Variants in PP2D1 observed in about 807,000 individuals in gnomAD.
PP2D1 encodes the protein protein phosphatase 2C-like domain-containing protein 1.
In PP2D1, 25 loss-of-function variants were observed where a neutral mutation model predicts 30.2. The ratio of observed to expected loss-of-function variants is 0.83; its 90% CI spans 0.60 to 1.16. The LOEUF is 1.16. PP2D1 is among the 50% of genes most tolerant of loss of function. The probability of loss-of-function intolerance (pLI) is 0.00; values close to 1 mark genes in which losing one functional copy is unlikely to be tolerated. For missense variants in PP2D1, 760 were observed against 742.4 expected, an observed-to-expected ratio of 1.02 and a Z score of -0.28; for synonymous variants, 260 against 258.9, an observed-to-expected ratio of 1.00 and a Z score of -0.04.
intron 1 of PP2D1, among the ~76,000 whole-genome samples, chr3:20,009,840 TTGG>T (rs1222777937): frequency 6.6e-6 from 1 of 152,242 alleles, no homozygotes; most frequent in African/African-American, 2.4e-5. Flanking sequence ...TACAACTGTA[TTGG>T]ATACAGCTAC....
chr3:20,007,946 G>T, intron 1 of PP2D1: 1 of 223,154 alleles, frequency 4.5e-6, no homozygotes. Context: ...CAGATGTGGC[G>T]CTGCCAATCT....
At chr3:19,979,966 G>A (rs1462307115) in exon 4 of PP2D1, 1 of 152,182 alleles carries the variant, frequency 6.6e-6, no homozygotes, top group African/African-American at 2.4e-5. Flanking sequence ...CCCAGTAAAA[G>A]TTGCAAGTAT....
chr3:19,996,664 T>G (rs1359790366), intron 2 of PP2D1: 2 of 151,958 alleles, frequency 1.3e-5, no homozygotes, highest in African/African-American at 2.4e-5. Flanking sequence ...CCCTGATGAA[T>G]GTAGATGTGA....
chr3:19,983,696 A>AT (rs1696976974), downstream of PP2D1: 1 of 1,525,514 alleles, frequency 6.6e-7, no homozygotes, highest in Non-Finnish European at 9.0e-7. Flanking sequence ...TTATTTGATC[A>AT]TTTTCTTTCA....
intron 2 of PP2D1, among the ~76,000 whole-genome samples, chr3:19,989,231 C>G (rs1341921105): frequency 6.6e-6 from 1 of 152,144 alleles, no homozygotes; most frequent in Non-Finnish European, 1.5e-5. Flanking sequence ...ACTCAGGAGG[C>G]TGAGGCACAA....
Position 19,985,518 on chromosome 3 carries a change from G to A in PP2D1, c.1755C>T (p.Asp585=), listed in dbSNP as rs1559495378. Residue 585 remains aspartate (D), a synonymous_variant, in exon 3 of 3, where the codon GAC becomes GAT. Transcript: ENST00000389050. The part of the protein sequence containing the change: ...NDVATNEKES[D]TKSFYEGAAE... ...CTGCGCCTTCATAGAAACTCTTAGT[G>A]TCTGATTCTTTTTCATTTGTTGCCA... 6.5e-7 allele frequency: 1 copy of A among 1,536,020 alleles called. No individual in the cohort carries two copies. Among genetic ancestry groups the A allele is most frequent in the Non-Finnish European group, 8.7e-7 (1 of 1,146,836 alleles).
At chr3:19,982,546 G>A (rs1453854793), downstream of PP2D1, among the ~76,000 whole-genome samples, 1 of 152,122 alleles carries the variant, frequency 6.6e-6, no homozygotes, top group African/African-American at 2.4e-5. Flanking sequence ...CAAGGTGTAA[G>A]TTTCTCTTTT....
intron 2 of PP2D1, among the ~76,000 whole-genome samples, chr3:19,995,291 A>G (rs1697167441): frequency 6.6e-6 from 1 of 152,208 alleles, no homozygotes. Flanking sequence ...AGGCGGGCCC[A>G]AATTCCAATG....
intron 2 of PP2D1, among the ~76,000 whole-genome samples, chr3:19,991,098 A>G (rs546550436): frequency 5.3e-5 from 8 of 152,346 alleles, no homozygotes; most frequent in African/African-American, 1.9e-4. Flanking sequence ...AGAAAATGTT[A>G]TCAGAACAAA....
downstream of PP2D1, among the ~76,000 whole-genome samples, chr3:19,981,204 A>T (rs1696919690): frequency 6.6e-6 from 1 of 152,204 alleles, no homozygotes. Flanking sequence ...CTCCAACTTT[A>T]CAGTGGTTTG....
At chr3:19,983,634 T>A, downstream of PP2D1, 1 of 1,014,550 alleles carries the variant, frequency 9.9e-7, no homozygotes, top group Non-Finnish European at 1.5e-6. Context: ...GAAAGAAAAA[T>A]TATAGATAAG....
At chr3:20,002,814 A>G (rs1356033394) in intron 1 of PP2D1, among the ~76,000 whole-genome samples, 1 of 151,822 alleles carries the variant, frequency 6.6e-6, no homozygotes, top group Non-Finnish European at 1.5e-5. Flanking sequence ...CCAGCACTTT[A>G]GGAGGCTGAG....
rs1209275892 is a variant in PP2D1 at position 20,012,045 on chromosome 3, T to G, written c.23+5A>C. 1 of 1,530,152 alleles carries G rather than the reference T, an allele frequency of 6.5e-7. No homozygotes were observed. Among genetic ancestry groups the G allele is most frequent in the Admixed American group, 2.0e-5 (1 of 50,810 alleles). 94.8% of individuals were successfully genotyped at this position (1,530,152 alleles called of 1,614,324 possible). ...ATTATCCAAAAAAGATTTAAGAAAG[T>G]TTACCTTAAAGCATTATTGGTGCTC... is the stretch of plus-strand genomic sequence containing the variant. On this transcript the variant is annotated splice_donor_5th_base_variant and intron_variant, in intron 1 of 2. Transcript: ENST00000389050.
intron 2 of PP2D1, among the ~76,000 whole-genome samples, chr3:19,986,888 T>C (rs1697045102): frequency 6.6e-6 from 1 of 151,924 alleles, no homozygotes; most frequent in South Asian, 2.1e-4. Flanking sequence ...TACAAAAAAT[T>C]AGCCGGACGT....
intron 2 of PP2D1, among the ~76,000 whole-genome samples, chr3:19,999,595 G>T (rs1169181434): frequency 2.0e-5 from 3 of 149,912 alleles, no homozygotes; most frequent in Non-Finnish European, 4.4e-5. Flanking sequence ...CACTATGTTG[G>T]CCAGGCTGGT....
chr3:19,985,792 G>A lies in PP2D1; in HGVS notation c.1481C>T (p.Pro494Leu). 6.5e-7 allele frequency: 1 copy of A among 1,536,034 alleles called. No individual in the cohort carries two copies. Among genetic ancestry groups the A allele is most frequent in the Non-Finnish European group, 8.7e-7 (1 of 1,146,870 alleles). The change falls in exon 3 of 3, where the codon CCT becomes CTT. Residue 494 changes from proline (P) to leucine (L), a missense_variant. Physicochemically the swap from Pro to Leu is moderately conservative, Grantham distance 98 (BLOSUM62 -3). Around this residue, in one of 3 missense-constraint regions of PP2D1, gnomAD observed 369 missense variants for 316.2 expected, o/e 1.17. Coordinates refer to ENST00000389050, the MANE Select transcript of PP2D1 (RefSeq NM_001252657.2). ...IIPNKSPSKG[P>L]LLFSTSEPNL... Reference sequence around the variant, plus strand: ...TGGTTCACTGGTTGAAAAAAGCAGAGGCCCTTTGGATGGTGATTTGTTAGG... The same window carrying A: ...TGGTTCACTGGTTGAAAAAAGCAGAAGCCCTTTGGATGGTGATTTGTTAGG...
chr3:20,001,858 G>C lies in PP2D1; in HGVS notation c.262C>G (p.Leu88Val), dbSNP rs146520196. The C allele has an allele frequency of 3.9e-3, 5,983 of 1,536,128 alleles. 22 individuals are homozygous for C. The highest frequency in any genetic ancestry group is 5.0e-3 in the Non-Finnish European group (5,746 of 1,146,850). Residue 88 changes from leucine to valine, a missense_variant, in exon 2 of 3, where the codon CTG becomes GTG. Coordinates refer to ENST00000389050, the MANE Select transcript of PP2D1 (RefSeq NM_001252657.2). ...ATCCATTGGAAACCCAGCGTGGCCAGAGCTACATGTTGCTTCTTATGGAGA... is the reference window on the plus strand; with the variant it reads ...ATCCATTGGAAACCCAGCGTGGCCACAGCTACATGTTGCTTCTTATGGAGA... ...IFLHKKQHVA[L>V]ATLGFQWMGR...
chr3:19,988,611 CACCTTATTCGT>C (rs1243018282), intron 2 of PP2D1, among the ~76,000 whole-genome samples: 1 of 152,160 alleles, frequency 6.6e-6, no homozygotes. Flanking sequence ...CTGTGACCCA[CACCTTATTCGT>C]ACACTCCCTC....
rs1306875308 is a variant in PP2D1, at chr3:20,001,740, G to GT, written c.379dup (p.Thr127AsnfsTer6). On this transcript the variant is annotated frameshift_variant, in exon 2 of 3. Transcript: ENST00000389050. LOFTEE classifies it high-confidence loss of function. ...AAAAGCATTATTAATGCTCTGTAGGGTTTTTTCAGTGAACATAAAAGATGA... is the reference window on the plus strand; with the variant it reads ...AAAAGCATTATTAATGCTCTGTAGGGTTTTTTTCAGTGAACATAAAAGATGA... 27 of 1,531,376 alleles carry GT rather than the reference G, an allele frequency of 1.8e-5. No individual in the cohort carries two copies. The highest frequency in any genetic ancestry group is 2.0e-5 in the Non-Finnish European group (23 of 1,145,162). The allele number at this position is 1,531,376 out of a possible 1,614,324, so 94.9% of individuals were successfully genotyped here.
Sources: allele counts gnomAD v4.1 joint callset (sites outside exome capture counted in the v4.1 genomes callset), GRCh38; gene constraint gnomAD v4.1.1; regional missense constraint gnomAD v4.1.1; transcripts MANE v1.5; gene names NCBI Gene and HGNC (gene_info 2026-07-23, HGNC 2026-07-21).